The following MSR1 variants were observed in gnomAD, a reference collection of about 807,000 sequenced individuals.
MSR1 encodes macrophage scavenger receptor 1, also known as macrophage scavenger receptor types I and II.
Under a neutral mutation model 47.2 loss-of-function variants are expected in MSR1, and 53 were observed. The ratio of observed to expected loss-of-function variants is 1.12; its 90% CI spans 0.90 to 1.41. The LOEUF (loss-of-function observed/expected upper bound fraction) is 1.41. Ranked by LOEUF, MSR1 falls within the 40% of genes most tolerant of loss-of-function variation. The pLI, the probability that MSR1 is intolerant of heterozygous loss-of-function variation, is 0.00. For missense variants in MSR1, 786 were observed against 546.9 expected (o/e 1.44, Z -4.36); for synonymous variants, 239 against 185.6 (o/e 1.29, Z -2.34).
intron 1 of MSR1, among the ~76,000 whole-genome samples, chr8:16,188,624 A>G (rs562962220): frequency 3.5e-4 from 53 of 152,016 alleles, no homozygotes; most frequent in Non-Finnish European, 6.9e-4. Context: ...TAAGTCCCAC[A>G]TGCATTAGGA....
chr8:16,165,369 G>A (rs972800920), intron 4 of MSR1, among the ~76,000 whole-genome samples: 2 of 152,052 alleles, frequency 1.3e-5, no homozygotes, highest in African/African-American at 4.8e-5. Flanking sequence ...TCAAATTATA[G>A]TGAGGTTAAA....
intron 5 of MSR1, among the ~76,000 whole-genome samples, chr8:16,162,464 A>T (rs1801188177): frequency 6.6e-6 from 1 of 152,080 alleles, no homozygotes; most frequent in Admixed American, 6.6e-5. Context: ...ACAATTGGTA[A>T]ATTCATGCGC....
At chr8:16,186,064 G>C (rs1380201617) in intron 1 of MSR1, 2 of 1,083,308 alleles carry the variant, frequency 1.8e-6, no homozygotes, top group African/African-American at 1.6e-5. Flanking sequence ...TTTCCTGTGT[G>C]GTAGAAGCAG....
In MSR1 at chr8:16,132,982, G is replaced by A. The variant is rs533780170; in HGVS notation, c.1033+10576C>T. Among the ~76,000 whole-genome samples, 5 of 152,186 alleles carry A rather than the reference G, an allele frequency of 3.3e-5. 1 individual carries two copies. The South Asian group carries it at 1.0e-3, about 32-fold the overall frequency. On this transcript the variant is annotated intron_variant, in intron 8 of 9. Coordinates refer to ENST00000262101, the MANE Select transcript of MSR1 (RefSeq NM_138715.3). ...GCATTGAGAGTTTTTAACATGAAGA[G>A]GTGTTGAATTTTATCAGAAGCGTTT...
intron 4 of MSR1, among the ~76,000 whole-genome samples, chr8:16,167,071 T>C (rs1353608500): frequency 6.6e-6 from 1 of 152,156 alleles, no homozygotes; most frequent in Non-Finnish European, 1.5e-5. Flanking sequence ...TTGCATTTCC[T>C]TTTCTAATGC....
intron 1 of MSR1, among the ~76,000 whole-genome samples, chr8:16,189,325 C>CATATATATATAAAATCTTATTTAT (rs1563175395): frequency 2.6e-5 from 3 of 114,150 alleles, no homozygotes; most frequent in African/African-American, 3.8e-5. Flanking sequence ...ATCTTATTTA[C>CATATATATATAAAATCTTATTTAT]ATTTCATATA....
intron 8 of MSR1, among the ~76,000 whole-genome samples, chr8:16,126,270 T>G (rs1179807085): frequency 6.6e-6 from 1 of 152,172 alleles, no homozygotes; most frequent in African/African-American, 2.4e-5. Flanking sequence ...CTTCTTTGCA[T>G]GTGTCAATTA....
At chr8:16,187,598 G>A (rs1049589847) in intron 1 of MSR1, among the ~76,000 whole-genome samples, 3 of 151,858 alleles carry the variant, frequency 2.0e-5, no homozygotes, top group Non-Finnish European at 4.4e-5. Context: ...TTTGGTTCAG[G>A]GATCAGAGAG....
intron 8 of MSR1, chr8:16,139,846 A>T: frequency 2.7e-6 from 1 of 367,740 alleles, no homozygotes; most frequent in Non-Finnish European, 3.6e-6. Flanking sequence ...GAAAATAAGA[A>T]GATGAGAAGG....
intron 8 of MSR1, among the ~76,000 whole-genome samples, chr8:16,138,392 C>T (rs553650438): frequency 2.6e-5 from 4 of 152,146 alleles, no homozygotes; most frequent in African/African-American, 7.2e-5. Context: ...TTAGTGAAGG[C>T]TTCTTTTCTC....
intron 5 of MSR1, among the ~76,000 whole-genome samples, chr8:16,161,036 T>G (rs1352635170): frequency 7.5e-6 from 1 of 133,276 alleles, no homozygotes; most frequent in African/African-American, 3.7e-5. Context: ...AAATAGCATT[T>G]TTTTTTTTTT....
chr8:16,138,607 C>G (rs572736674), intron 8 of MSR1, among the ~76,000 whole-genome samples: 1 of 152,236 alleles, frequency 6.6e-6, no homozygotes. Context: ...AATTGTCTCC[C>G]AGCATCTCTG....
chr8:16,139,867 A>G (rs1463581707), intron 8 of MSR1: 2 of 407,568 alleles, frequency 4.9e-6, no homozygotes, highest in East Asian at 1.5e-4. Context: ...TAAAATAAGA[A>G]TCAATTTTTA....
chr8:16,138,334 G>A (rs1395161061), intron 8 of MSR1, among the ~76,000 whole-genome samples: 3 of 152,208 alleles, frequency 2.0e-5, no homozygotes, highest in East Asian at 1.9e-4. Flanking sequence ...ACTCTTCCGC[G>A]TTAAGGTGAG....
At chr8:16,133,014 T>C (rs1800299910) in intron 8 of MSR1, among the ~76,000 whole-genome samples, 2 of 152,184 alleles carry the variant, frequency 1.3e-5, no homozygotes, top group African/African-American at 2.4e-5. Context: ...GTTTGCTGTA[T>C]CTATTGAGAT....
At chr8:16,139,188 T>G (rs899491052) in intron 8 of MSR1, 1 of 800,090 alleles carries the variant, frequency 1.2e-6, no homozygotes, top group Admixed American at 6.2e-5. Context: ...CTTTTTGCCA[T>G]GACATTTATT....
At chr8:16,154,725 G>A (rs550885602) in intron 6 of MSR1, among the ~76,000 whole-genome samples, 97 of 151,944 alleles carry the variant, frequency 6.4e-4, no homozygotes, top group African/African-American at 2.2e-3. Context: ...TATGATCTAC[G>A]GTTAGGTCTG....
At chr8:16,135,277 A>C (rs964915141) in intron 8 of MSR1, among the ~76,000 whole-genome samples, 4 of 152,162 alleles carry the variant, frequency 2.6e-5, no homozygotes, top group African/African-American at 9.6e-5. Flanking sequence ...TAATGCAGCC[A>C]GTGACTTTAA....
intron 1 of MSR1, chr8:16,186,230 C>A: frequency 6.5e-7 from 1 of 1,531,962 alleles, no homozygotes; most frequent in Non-Finnish European, 8.7e-7. Context: ...TTATTTATTT[C>A]TGGGTATTCC....
Sources: allele counts gnomAD v4.1 joint callset (sites outside exome capture counted in the v4.1 genomes callset), GRCh38; gene constraint gnomAD v4.1.1; transcripts MANE v1.5; gene names NCBI Gene and HGNC (gene_info 2026-07-23, HGNC 2026-07-21).